Variants in HACL1 observed in about 807,000 individuals in gnomAD.
The protein encoded by HACL1 is 1600020H07Rik.
In HACL1, 64 loss-of-function variants were observed where a neutral mutation model predicts 74.2. The observed-to-expected ratio is 0.86, with a 90% CI of 0.70 to 1.06. HACL1 has a LOEUF of 1.06. HACL1 is among the 50% of genes least tolerant of loss of function. The pLI is 0.00. For synonymous variants in HACL1, 230 were observed against 238.8 expected (o/e 0.96, Z 0.34); for missense variants, 728 against 719.7 (o/e 1.01, Z -0.13).
intron 11 of HACL1, 29 bp from the exon 12 acceptor site, chr3:15,571,798 AAC>A: frequency 4.2e-6 from 3 of 712,942 alleles, no homozygotes; most frequent in Admixed American, 5.6e-5. Context: ...CACACACACA[AAC>A]ACATAAACTT....
At chr3:15,571,422 T>C (rs925590890) in intron 12 of HACL1, among the ~76,000 whole-genome samples, 1 of 152,210 alleles carries the variant, frequency 6.6e-6, no homozygotes, top group African/African-American at 2.4e-5. Flanking sequence ...TAAAATGCTA[T>C]ATTCATTGGC....
At chr3:15,573,022 T>C (rs1320121957) in intron 11 of HACL1, 137 bp downstream of exon 11, 1 of 570,272 alleles carries the variant, frequency 1.8e-6, no homozygotes, top group Non-Finnish European at 3.1e-6. Context: ...TATTTAAGAA[T>C]AGTTTTCAAT....
At chr3:15,591,262 T>C (rs889400094) in intron 4 of HACL1, among the ~76,000 whole-genome samples, 1 of 152,126 alleles carries the variant, frequency 6.6e-6, no homozygotes, top group South Asian at 2.1e-4. Flanking sequence ...TCCTAAGATA[T>C]TGTAGAAATA....
At chr3:15,566,410 T>C (rs578183212) in intron 14 of HACL1, among the ~76,000 whole-genome samples, 16 of 152,270 alleles carry the variant, frequency 1.1e-4, no homozygotes, top group Admixed American at 5.2e-4. Context: ...TTCTAGCACT[T>C]AGAGAGGCCA....
At chr3:15,596,495 A>G (rs1222298599) in intron 2 of HACL1, 71 bp from the exon 3 acceptor site, 2 of 860,640 alleles carry the variant, frequency 2.3e-6, no homozygotes, top group African/African-American at 3.3e-5. Context: ...GCAACTTACT[A>G]TTAAATAATA....
intron 13 of HACL1, 57 bp downstream of exon 13, chr3:15,568,375 T>C (rs574425967): frequency 9.5e-7 from 1 of 1,049,126 alleles, no homozygotes; most frequent in Non-Finnish European, 1.4e-6. Context: ...ACTATTACAG[T>C]TTCATATTAA....
chr3:15,568,003 C>G lies in HACL1; in HGVS notation c.1251-1G>C. ...TGTTCCGAAAGTACCAGCATCAAGC[C>G]TGTTGGAGAACAAAGTTAAAATGAA... is the stretch of plus-strand genomic sequence containing the variant. On this transcript the variant is annotated splice_acceptor_variant, in intron 13 of 16. Coordinates refer to ENST00000321169, the MANE Select transcript of HACL1 (RefSeq NM_012260.4). LOFTEE classifies it high-confidence loss of function. 6.2e-7 allele frequency: 1 copy of G among 1,614,074 alleles called. No individual in the cohort carries two copies. Among genetic ancestry groups the G allele is most frequent in the East Asian group, 2.2e-5 (1 of 44,882 alleles).
intron 7 of HACL1, among the ~76,000 whole-genome samples, chr3:15,583,910 G>C (rs1004642511): frequency 5.9e-5 from 9 of 151,908 alleles, no homozygotes; most frequent in African/African-American, 2.2e-4. Flanking sequence ...ACCCACCTCG[G>C]CCTCCCAAAG....
chr3:15,596,122 C>T (rs2064058258), intron 3 of HACL1: 2 of 383,898 alleles, frequency 5.2e-6, no homozygotes, highest in Admixed American at 4.1e-5. Context: ...TTGTGAGATC[C>T]AAGACAAGGT....
rs954802024 is a variant in HACL1 at position 15,576,361 on chromosome 3, G to C, written c.804-1279C>G. ...TCTTCACATTGGTCCCTAGAAGCAG[G>C]TTATTTTTAAGACTATTGATTCATA... On this transcript the variant is annotated intron_variant, in intron 9 of 16. Transcript: ENST00000321169. 2.6e-5 allele frequency among the ~76,000 whole-genome samples: 4 copies of C among 151,808 alleles called. No individual in the cohort carries two copies. In the South Asian group the frequency reaches 8.3e-4, roughly 31 times the overall value.
chr3:15,592,228 ACG>A (rs2063930840), intron 3 of HACL1, among the ~76,000 whole-genome samples: 67 of 118,554 alleles, frequency 5.7e-4, no homozygotes, highest in African/African-American at 2.9e-3. Flanking sequence ...ATGTATACAT[ACG>A]TATATACGTA....
chr3:15,561,686 G>T lies in HACL1; in HGVS notation c.1705-789C>A, dbSNP rs373659055. On this transcript the variant is annotated intron_variant, in intron 16 of 16. Coordinates refer to ENST00000321169, the MANE Select transcript of HACL1 (RefSeq NM_012260.4). ...ACATAGGTCTCAAGATGATGATGAT[G>T]ATTATTATTATTTTGAGAGACAGTC... Among the ~76,000 whole-genome samples, 174 of 152,110 alleles carry T rather than the reference G, an allele frequency of 1.1e-3. 1 individual carries two copies. Among genetic ancestry groups the T allele is most frequent in the African/African-American group, 3.6e-3 (149 of 41,510 alleles).
At chr3:15,599,219 C>G (rs1466127301) in intron 2 of HACL1, among the ~76,000 whole-genome samples, 1 of 152,216 alleles carries the variant, frequency 6.6e-6, no homozygotes, top group African/African-American at 2.4e-5. Context: ...CCCCTTAAAG[C>G]CAGGAACTAT....
chr3:15,563,684 C>T (rs899648674), intron 15 of HACL1, 140 bp from the exon 16 acceptor site: 12 of 606,254 alleles, frequency 2.0e-5, no homozygotes, highest in Admixed American at 9.0e-5. Flanking sequence ...AGCTGAGATG[C>T]CAGTACACTG....
At chr3:15,596,264 C>T in intron 3 of HACL1, 120 bp downstream of exon 3, 3 of 648,522 alleles carry the variant, frequency 4.6e-6, no homozygotes, top group East Asian at 2.8e-5. Flanking sequence ...GTTTTTTATC[C>T]TTTGTTATTT....
At position 15,591,628 on chromosome 3, in the gene HACL1, C is replaced by T. The variant is rs781735136; in HGVS notation, c.280G>A (p.Gly94Ser). 5.6e-6 allele frequency: 9 copies of T among 1,609,130 alleles called. No homozygotes were observed. Among genetic ancestry groups the T allele is most frequent in the Middle Eastern group, 1.6e-4 (1 of 6,072 alleles). Residue 94 changes from glycine to serine, a missense_variant, in exon 4 of 17, where the codon GGT (glycine) becomes AGT (serine). Transcript: ENST00000321169. The part of the protein sequence containing the change: ...SGPGLIHALG[G>S]MANANMNCWP... ...CAGTTCATGTTTGCATTTGCCATAC[C>T]GCCCAAGGCATGGATGAGACCTGGG...
intron 8 of HACL1, among the ~76,000 whole-genome samples, chr3:15,580,846 C>T (rs1164008138): frequency 1.3e-5 from 2 of 152,240 alleles, no homozygotes; most frequent in Admixed American, 6.5e-5. Flanking sequence ...GATCTTTCTA[C>T]AGGCTCTGTA....
rs1316698337 is a variant in HACL1, at chr3:15,568,428, T to C, written c.1250+4A>G. On this transcript the variant is annotated splice_donor_region_variant and intron_variant, in intron 13 of 16. Coordinates refer to ENST00000321169, the MANE Select transcript of HACL1 (RefSeq NM_012260.4). Reference sequence around the variant, plus strand: ...ACGACTTCTTTCTTCTTTAGAAGTCTTACCTGTGACGAGGAAGGTAGTTCT... The same window carrying C: ...ACGACTTCTTTCTTCTTTAGAAGTCCTACCTGTGACGAGGAAGGTAGTTCT... 6.4e-7 allele frequency: 1 copy of C among 1,561,270 alleles called. No homozygotes were observed. The highest frequency in any genetic ancestry group is 8.7e-7 in the Non-Finnish European group (1 of 1,145,072).
intron 14 of HACL1, among the ~76,000 whole-genome samples, chr3:15,565,905 A>G (rs1014297069): frequency 1.3e-5 from 2 of 152,246 alleles, no homozygotes; most frequent in African/African-American, 4.8e-5. Context: ...TTATTCCCTA[A>G]GCAATACAGC....
Sources: gnomAD v4.1 joint callset for allele counts (sites outside exome capture counted in the v4.1 genomes callset) on GRCh38, gnomAD v4.1.1 for gene constraint, MANE v1.5 for transcripts, NCBI Gene and HGNC (gene_info 2026-07-23, HGNC 2026-07-21) for gene names.